PPFIA2: variants seen among roughly 807,000 people sequenced by gnomAD.
PPFIA2 encodes PPFI scaffold protein A2, also known as liprin-alpha-2.
PPFIA2 carries 46 observed loss-of-function variants against 175.5 expected under a neutral mutation model. The observed-to-expected ratio is 0.26, with a 90% CI of 0.21 to 0.34. The LOEUF (loss-of-function observed/expected upper bound fraction) is 0.34, where lower values mean the gene tolerates loss of function less well. Among genes scored for constraint, PPFIA2 ranks in the 10% least tolerant of loss-of-function variants. The pLI is 1.00. For synonymous variants in PPFIA2, 568 were observed against 511.4 expected, an observed-to-expected ratio of 1.11 and a Z score of -1.49; for missense variants, 1,179 against 1,506.1, an observed-to-expected ratio of 0.78 and a Z score of 3.60.
At chr12:81,352,994 T>G (rs2060288181) in intron 17 of PPFIA2, 125 bp downstream of exon 17, 1 of 755,950 alleles carries the variant, frequency 1.3e-6, no homozygotes, top group Non-Finnish European at 2.2e-6. Flanking sequence ...CGGGGTGAGG[T>G]CTGAGATTCT....
At chr12:81,599,754 T>A (rs1055027237) in intron 4 of PPFIA2, among the ~76,000 whole-genome samples, 4 of 152,000 alleles carry the variant, frequency 2.6e-5, no homozygotes, top group African/African-American at 9.7e-5. Context: ...TTAGTTGTCA[T>A]GTCTCTCCAG....
rs1422268732 is a variant in PPFIA2 at position 81,442,936 on chromosome 12, C to T, written c.570+2620G>A. ...TTATATATCTATATCCACATCCCTC[C>T]TCATCCCTATGAGAAACTGTGAGTT... On this transcript the variant is annotated intron_variant, in intron 6 of 32. Transcript: ENST00000549396. Among the ~76,000 whole-genome samples, 4 of 126,480 alleles carry T rather than the reference C, an allele frequency of 3.2e-5. No individual in the cohort carries two copies. The East Asian group carries it at 7.4e-4, about 23-fold the overall frequency. 83.0% of individuals were successfully genotyped at this position (126,480 alleles called of 152,430 possible).
chr12:81,348,570 T>C (rs2059464069), intron 17 of PPFIA2, among the ~76,000 whole-genome samples: 1 of 151,966 alleles, frequency 6.6e-6, no homozygotes, highest in Admixed American at 6.6e-5. Flanking sequence ...ACCCCGTCTC[T>C]ACTAAAAATA....
intron 28 of PPFIA2, among the ~76,000 whole-genome samples, chr12:81,273,884 C>A (rs976892604): frequency 2.9e-5 from 4 of 136,302 alleles, no homozygotes; most frequent in Admixed American, 2.1e-4. Flanking sequence ...TTTCTCCCCG[C>A]CCCCCCCCAA....
intron 4 of PPFIA2, among the ~76,000 whole-genome samples, chr12:81,534,395 C>A (rs1470666544): frequency 1.3e-5 from 2 of 151,514 alleles, no homozygotes; most frequent in Non-Finnish European, 3.0e-5. Context: ...ATCCTAAATG[C>A]CCTGATTTTA....
At chr12:81,408,547 C>T (rs1344408035) in intron 7 of PPFIA2, among the ~76,000 whole-genome samples, 1 of 152,072 alleles carries the variant, frequency 6.6e-6, no homozygotes, top group African/African-American at 2.4e-5. Flanking sequence ...TGAAATAAAG[C>T]AGGCCATCTA....
chr12:81,469,495 A>C (rs1181270278), intron 4 of PPFIA2, among the ~76,000 whole-genome samples: 1 of 152,230 alleles, frequency 6.6e-6, no homozygotes, highest in Non-Finnish European at 1.5e-5. Context: ...CTAAGATGAA[A>C]TGTGAAAAAT....
At chr12:81,540,492 C>A (rs12298636) in intron 4 of PPFIA2, among the ~76,000 whole-genome samples, 47,015 of 151,714 alleles carry the variant, frequency 0.31, 7,514 homozygotes, top group African/African-American at 0.38. Context: ...AAGAACTAAG[C>A]AGAGATTAAA....
chr12:81,452,545 A>C (rs950338843), intron 5 of PPFIA2, among the ~76,000 whole-genome samples: 3 of 152,132 alleles, frequency 2.0e-5, no homozygotes, highest in Non-Finnish European at 4.4e-5. Context: ...TATCCTATTT[A>C]CTCTTGTACT....
At chr12:81,390,341 A>G (rs1401120537) in intron 8 of PPFIA2, among the ~76,000 whole-genome samples, 2 of 152,040 alleles carry the variant, frequency 1.3e-5, no homozygotes, top group Non-Finnish European at 2.9e-5. Context: ...TCTATCTTTA[A>G]CATGTTGAGG....
intron 22 of PPFIA2, among the ~76,000 whole-genome samples, chr12:81,324,537 G>C (rs10746188): frequency 0.94 from 142,518 of 152,032 alleles, 66,885 homozygotes; most frequent in East Asian, 0.98. Flanking sequence ...AATCAACTGC[G>C]AACATTTAAA....
intron 3 of PPFIA2, among the ~76,000 whole-genome samples, chr12:81,730,546 C>T (rs2080745924): frequency 6.6e-6 from 1 of 151,522 alleles, no homozygotes; most frequent in Non-Finnish European, 1.5e-5. Flanking sequence ...GAAACCACTC[C>T]CATGATCCAA....
intron 4 of PPFIA2, among the ~76,000 whole-genome samples, chr12:81,634,136 C>T (rs1387969649): frequency 6.6e-6 from 1 of 152,072 alleles, no homozygotes; most frequent in East Asian, 1.9e-4. Flanking sequence ...CCAGAAATGT[C>T]TGTAACATTG....
chr12:81,624,401 A>T (rs1384708128), intron 4 of PPFIA2, among the ~76,000 whole-genome samples: 1 of 147,888 alleles, frequency 6.8e-6, no homozygotes, highest in East Asian at 1.9e-4. Context: ...CTGATTTTAT[A>T]TTTCACTATA....
intron 8 of PPFIA2, among the ~76,000 whole-genome samples, chr12:81,389,229 T>C (rs926198801): frequency 4.7e-5 from 7 of 149,368 alleles, no homozygotes; most frequent in Non-Finnish European, 5.9e-5. Flanking sequence ...ATTTATTTGG[T>C]GCAAATGAAC....
At chr12:81,527,693 C>T (rs1359465945) in intron 4 of PPFIA2, among the ~76,000 whole-genome samples, 1 of 152,048 alleles carries the variant, frequency 6.6e-6, no homozygotes, top group Non-Finnish European at 1.5e-5. Context: ...TTATGTTCCA[C>T]CCAAATTCGT....
intron 4 of PPFIA2, among the ~76,000 whole-genome samples, chr12:81,529,097 C>T (rs556969889): frequency 6.6e-6 from 1 of 152,088 alleles, no homozygotes; most frequent in African/African-American, 2.4e-5. Context: ...ACTAGCATGA[C>T]TTCATCTGGA....
At chr12:81,470,018 G>A (rs537532965) in intron 4 of PPFIA2, among the ~76,000 whole-genome samples, 2 of 152,302 alleles carry the variant, frequency 1.3e-5, no homozygotes, top group East Asian at 3.9e-4. Flanking sequence ...CTCCAGAACT[G>A]CGAGGAAATA....
chr12:81,375,985 A>G (rs2036262152), intron 9 of PPFIA2, 43 bp from the exon 10 acceptor site: 2 of 1,529,822 alleles, frequency 1.3e-6, no homozygotes, highest in Non-Finnish European at 9.0e-7. Context: ...AGATTCTCAG[A>G]TTGTTTAATT....
Sources: gnomAD v4.1 joint callset for allele counts (sites outside exome capture counted in the v4.1 genomes callset) on GRCh38, gnomAD v4.1.1 for gene constraint, MANE v1.5 for transcripts, NCBI Gene and HGNC (gene_info 2026-07-23, HGNC 2026-07-21) for gene names.